The following E2F7 variants were observed in gnomAD, a reference collection of about 807,000 sequenced individuals.
The protein encoded by E2F7 is transcription factor E2F7.
Under a neutral mutation model 81.1 loss-of-function variants are expected in E2F7, and 35 were observed. That is an observed-to-expected ratio of 0.43 (90% CI 0.33 to 0.57). The LOEUF is 0.57. Ranked by LOEUF, E2F7 falls within the 20% of genes least tolerant of loss-of-function variation. The probability of loss-of-function intolerance (pLI) is 0.04; values close to 1 mark genes in which losing one functional copy is unlikely to be tolerated. For missense variants in E2F7, 961 were observed against 1,093.7 expected (o/e 0.88, Z 1.71); for synonymous variants, 416 against 416.2 (o/e 1.00, Z 0.01).
intron 4 of E2F7, among the ~76,000 whole-genome samples, chr12:77,047,737 C>T (rs1954954580): frequency 6.6e-6 from 1 of 152,216 alleles, no homozygotes; most frequent in South Asian, 2.1e-4. Context: ...AATATTTCAG[C>T]TCATGACCCT....
intron 11 of E2F7, among the ~76,000 whole-genome samples, chr12:77,027,206 T>C (rs1055634115): frequency 1.3e-5 from 2 of 152,180 alleles, no homozygotes; most frequent in Middle Eastern, 3.2e-3. Flanking sequence ...TTAGATATCT[T>C]TGCATCAAGA....
intron 4 of E2F7, among the ~76,000 whole-genome samples, chr12:77,048,996 A>C (rs924488264): frequency 4.6e-5 from 7 of 152,144 alleles, no homozygotes; most frequent in African/African-American, 1.7e-4. Flanking sequence ...CATTACTGTA[A>C]GACTACTTTC....
At chr12:77,040,921 G>T (rs564352747) in intron 7 of E2F7, among the ~76,000 whole-genome samples, 39 of 152,284 alleles carry the variant, frequency 2.6e-4, no homozygotes, top group African/African-American at 9.4e-4. Flanking sequence ...AGAGGAGAAA[G>T]ACATTTATGA....
intron 3 of E2F7, among the ~76,000 whole-genome samples, chr12:77,051,096 G>A (rs1352386265): frequency 6.6e-6 from 1 of 152,136 alleles, no homozygotes; most frequent in African/African-American, 2.4e-5. Flanking sequence ...GGCATCAGCT[G>A]TATCAGAATC....
intron 7 of E2F7, among the ~76,000 whole-genome samples, chr12:77,042,550 T>C (rs762804994): frequency 7.2e-5 from 11 of 152,232 alleles, no homozygotes; most frequent in Non-Finnish European, 5.9e-5. Flanking sequence ...AAAATTATGA[T>C]ATTTATAACC....
chr12:77,044,752 G>A lies in E2F7; in HGVS notation c.873C>T (p.Ser291=), dbSNP rs750689027. ...CGAGGAACAGCATGACAAACTTCTG[G>A]CTCATAATTCTCAGAGACTTGTCTT... ...SRKDKSLRIM[S]QKFVMLFLVS... The change falls in exon 6 of 13, where the codon AGC becomes AGT. Residue 291 remains serine (S), a synonymous_variant. Transcript: ENST00000322886. 3.1e-6 allele frequency: 5 copies of A among 1,613,978 alleles called. No individual in the cohort carries two copies. Among genetic ancestry groups the A allele is most frequent in the Admixed American group, 3.3e-5 (2 of 60,002 alleles).
intron 3 of E2F7, among the ~76,000 whole-genome samples, chr12:77,055,207 T>C (rs1366801442): frequency 2.0e-5 from 3 of 152,156 alleles, no homozygotes; most frequent in Non-Finnish European, 4.4e-5. Flanking sequence ...GAGACATCTT[T>C]TTTCTCTCTT....
chr12:77,022,144 T>A lies in E2F7; in HGVS notation c.*1871A>T, dbSNP rs1954717360. The A allele has an allele frequency of 6.6e-6, 1 of 152,190 alleles. No individual in the cohort carries two copies. The highest frequency in any genetic ancestry group is 2.4e-5 in the African/African-American group (1 of 41,450). 9.4% of individuals were successfully genotyped at this position (152,190 alleles called of 1,614,324 possible). A position where few individuals can be genotyped will look rare whatever the true frequency, so the allele number is the denominator to read the frequency against. On this transcript the variant is annotated 3_prime_UTR_variant, in exon 13 of 13. Transcript: ENST00000322886. Reference sequence around the variant, plus strand: ...TAAATGCAGACCTCTCCATGAAATATTTTGTGGAAGTTCTTAAGCATGGTA... The same window carrying A: ...TAAATGCAGACCTCTCCATGAAATAATTTGTGGAAGTTCTTAAGCATGGTA...
intron 11 of E2F7, among the ~76,000 whole-genome samples, chr12:77,026,681 T>C (rs933628143): frequency 3.3e-5 from 5 of 152,188 alleles, no homozygotes; most frequent in African/African-American, 9.7e-5. Context: ...ATTTTAACAG[T>C]ACCTTGACTT....
rs1565891646 is a variant in E2F7 at position 77,024,200 on chromosome 12, A to C, written c.2566-15T>G. 2 of 1,610,078 alleles carry C rather than the reference A, an allele frequency of 1.2e-6. No homozygotes were observed. The highest frequency in any genetic ancestry group is 1.7e-6 in the Non-Finnish European group (2 of 1,178,776). On this transcript the variant is annotated splice_polypyrimidine_tract_variant and intron_variant, in intron 12 of 12. Coordinates refer to ENST00000322886, the MANE Select transcript of E2F7 (RefSeq NM_203394.3). ...GGAACTGGTGACTGAAAAAAGAAAAAAGAAAAAACAGAAGTGAAGTCATAT... is the reference window on the plus strand; with the variant it reads ...GGAACTGGTGACTGAAAAAAGAAAACAGAAAAAACAGAAGTGAAGTCATAT...
At chr12:77,041,997 C>T (rs550426134) in intron 7 of E2F7, among the ~76,000 whole-genome samples, 87 of 152,312 alleles carry the variant, frequency 5.7e-4, no homozygotes, top group African/African-American at 2.0e-3. Context: ...AGATGAGACA[C>T]TCTGCTCTGG....
Position 77,022,416 on chromosome 12 carries a change from C to T in E2F7, c.*1599G>A, listed in dbSNP as rs1954720266. 6.6e-6 allele frequency: 1 copy of T among 152,192 alleles called. No homozygotes were observed. The highest frequency in any genetic ancestry group is 1.5e-5 in the Non-Finnish European group (1 of 67,942). 9.4% of individuals were successfully genotyped at this position (152,192 alleles called of 1,614,324 possible). A position where few individuals can be genotyped will look rare whatever the true frequency, so the allele number is the denominator to read the frequency against. On this transcript the variant is annotated 3_prime_UTR_variant, in exon 13 of 13. Coordinates refer to ENST00000322886, the MANE Select transcript of E2F7 (RefSeq NM_203394.3). Reference sequence around the variant, plus strand: ...TAGCAAATTTATTTAATGTAGCTACCTACCTCAAGTTTTAAAAAATCTTGT... The same window carrying T: ...TAGCAAATTTATTTAATGTAGCTACTTACCTCAAGTTTTAAAAAATCTTGT...
At chr12:77,045,982 A>C in intron 5 of E2F7, 56 bp downstream of exon 5, 7 of 1,569,878 alleles carry the variant, frequency 4.5e-6, no homozygotes, top group Non-Finnish European at 6.1e-6. Flanking sequence ...AATCTGCAGA[A>C]GAGACCATCA....
intron 3 of E2F7, among the ~76,000 whole-genome samples, chr12:77,051,903 CA>C (rs535239256): frequency 1.0e-3 from 152 of 152,110 alleles, no homozygotes; most frequent in Middle Eastern, 3.4e-3. Flanking sequence ...ACTATTCATA[CA>C]AAAAAACTCA....
Position 77,044,773 on chromosome 12 carries a change from G to A in E2F7, c.852C>T (p.Asp284=). 1 of 1,613,958 alleles carries A rather than the reference G, an allele frequency of 6.2e-7. No homozygotes were observed. The highest frequency in any genetic ancestry group is 8.5e-7 in the Non-Finnish European group (1 of 1,179,980). ...TCTGGCTCATAATTCTCAGAGACTT[G>A]TCTTTTCTACTGTTTGCAGATGCTA... ...CPSSSANSRK[D]KSLRIMSQKF... The change falls in exon 6 of 13, where the codon GAC becomes GAT. Residue 284 remains aspartate, a synonymous_variant. Transcript: ENST00000322886.
rs1283877971 is a variant in E2F7, at chr12:77,023,899, T to C, written c.*116A>G. The C allele has an allele frequency of 2.4e-6, 3 of 1,225,362 alleles. No homozygotes were observed. The highest frequency in any genetic ancestry group is 1.5e-5 in the African/African-American group (1 of 65,796). The allele number at this position is 1,225,362 out of a possible 1,614,324, so 75.9% of individuals were successfully genotyped here. ...GATGGTGGTGGGAAGTTAACAGAAG[T>C]GTGGATGAAAGAGAGAGGAAGGACC... is the stretch of plus-strand genomic sequence containing the variant. On this transcript the variant is annotated 3_prime_UTR_variant, in exon 13 of 13. Transcript: ENST00000322886.
chr12:77,030,147 T>A lies in E2F7; in HGVS notation c.1568A>T (p.Asp523Val). 1 of 1,614,170 alleles carries A rather than the reference T, an allele frequency of 6.2e-7. No individual in the cohort carries two copies. Among genetic ancestry groups the A allele is most frequent in the South Asian group, 1.1e-5 (1 of 91,074 alleles). The change falls in exon 10 of 13, where the codon GAT (aspartate) becomes GTT (valine). Residue 523 changes from aspartate (D) to valine (V), a missense_variant. This residue lies in a region of E2F7 where 587 missense variants were observed against 620.3 expected (regional missense o/e 0.95). Coordinates refer to ENST00000322886, the MANE Select transcript of E2F7 (RefSeq NM_203394.3). ...SMQNGLNGQV[D>V]VSLASAASAV... ...AGAGGCTGCAGAAGCAAGTGAGACA[T>A]CCACTTGTCCATTCAGACCGTTCTG...
Position 77,025,596 on chromosome 12 carries a change from A to G in E2F7, c.2527T>C (p.Tyr843His). The stretch of plus-strand genomic sequence containing the variant: ...ACTACTGAGACTGGATGTCCCACGT[A>G]AACGGGGGACTCAGGTTGTTGGACG... ...SVVQQPESPVYVGHPVSVVKL... is the reference protein window; with the variant it reads ...SVVQQPESPVHVGHPVSVVKL... The change falls in exon 12 of 13, where the codon TAC (tyrosine) becomes CAC (histidine). Residue 843 changes from tyrosine (Y) to histidine (H), a missense_variant. By Grantham distance (83) the Tyr-to-His change is moderately conservative (BLOSUM62 2). Around this residue, in one of 3 missense-constraint regions of E2F7, gnomAD observed 587 missense variants for 620.3 expected, o/e 0.95. Coordinates refer to ENST00000322886, the MANE Select transcript of E2F7 (RefSeq NM_203394.3). 1 of 1,614,236 alleles carries G rather than the reference A, an allele frequency of 6.2e-7. No homozygotes were observed. Among genetic ancestry groups the G allele is most frequent in the Non-Finnish European group, 8.5e-7 (1 of 1,180,046 alleles).
intron 2 of E2F7, among the ~76,000 whole-genome samples, chr12:77,060,241 G>A (rs1202764909): frequency 6.6e-6 from 1 of 152,110 alleles, no homozygotes; most frequent in Non-Finnish European, 1.5e-5. Context: ...AGTGTCCTGT[G>A]AAACGGCCCT....
Sources: gnomAD v4.1 joint callset for allele counts (sites outside exome capture counted in the v4.1 genomes callset) on GRCh38, gnomAD v4.1.1 for gene constraint, gnomAD v4.1.1 regional missense constraint, MANE v1.5 for transcripts, NCBI Gene and HGNC (gene_info 2026-07-23, HGNC 2026-07-21) for gene names.